The following ST3GAL5 variants were observed in gnomAD, a reference collection of about 807,000 sequenced individuals.
ST3GAL5 encodes the protein lactosylceramide alpha-2,3-sialyltransferase.
Under a neutral mutation model 46.1 loss-of-function variants are expected in ST3GAL5, and 25 were observed. That is an observed-to-expected ratio of 0.54 (90% CI 0.40 to 0.76). ST3GAL5 has a LOEUF of 0.76. ST3GAL5 is among the 30% of genes least tolerant of loss of function. The probability of loss-of-function intolerance (pLI) is 0.00; values close to 1 mark genes in which losing one functional copy is unlikely to be tolerated. For missense variants in ST3GAL5, 431 were observed against 521.2 expected, an observed-to-expected ratio of 0.83 and a Z score of 1.69; for synonymous variants, 182 against 192.7, an observed-to-expected ratio of 0.94 and a Z score of 0.46.
At chr2:85,848,451 A>C (rs2103962998) in intron 3 of ST3GAL5, 1 of 1,460,946 alleles carries the variant, frequency 6.8e-7, no homozygotes, top group Non-Finnish European at 9.2e-7. Context: ...CAAAGCAAGA[A>C]GGACTCCCGC....
intron 3 of ST3GAL5, chr2:85,853,483 CCTT>C (rs1426470878): frequency 1.6e-5 from 3 of 189,348 alleles, no homozygotes; most frequent in African/African-American, 7.1e-5. Context: ...GGCTCTGAGA[CCTT>C]CTTCTGCCCA....
chr2:85,847,918 C>A lies in ST3GAL5; in HGVS notation c.605G>T (p.Gly202Val). Residue 202 changes from glycine to valine, a missense_variant, in exon 4 of 7, where the codon GGA becomes GTA. Gly to Val is a moderately radical substitution (Grantham distance 109). Transcript: ENST00000638572. ...GCCCAGTTCTAATCCGTGCAGTATT[C>A]CTCCGCTTCCAATAACCACACAGCG... ...CRRCVVIGSGGILHGLELGHT... is the reference protein window; with the variant it reads ...CRRCVVIGSGVILHGLELGHT... 6.2e-7 allele frequency: 1 copy of A among 1,614,144 alleles called. No homozygotes were observed. Among genetic ancestry groups the A allele is most frequent in the Non-Finnish European group, 8.5e-7 (1 of 1,180,034 alleles).
chr2:85,865,402 C>T (rs191816444), intron 1 of ST3GAL5, among the ~76,000 whole-genome samples: 34 of 152,036 alleles, frequency 2.2e-4, no homozygotes, highest in African/African-American at 8.0e-4. Flanking sequence ...TTCCTTAACT[C>T]CTTAATTCTA....
chr2:85,848,162 G>A lies in ST3GAL5; in HGVS notation c.361C>T (p.Arg121Cys), dbSNP rs779973935. The change falls in exon 4 of 7, where the codon CGT becomes TGT. Residue 121 changes from arginine to cysteine, a missense_variant. Physicochemically the swap from Arg to Cys is radical, Grantham distance 180. Transcript: ENST00000638572. ...ATTGATGTCTTGGCAAACTTGGGAC[G>A]ACATTCCTTCTGCAAGACTTGCTGA... ...YAQQVLQKEC[R>C]PKFAKTSMAL... 6 of 1,614,070 alleles carry A rather than the reference G, an allele frequency of 3.7e-6. No homozygotes were observed. Among genetic ancestry groups the A allele is most frequent in the African/African-American group, 1.3e-5 (1 of 74,926 alleles).
chr2:85,865,041 A>C (rs1287102846), intron 1 of ST3GAL5, among the ~76,000 whole-genome samples: 1 of 152,198 alleles, frequency 6.6e-6, no homozygotes, highest in Non-Finnish European at 1.5e-5. Context: ...ACAACAAGAG[A>C]AGGAGCTGGG....
intron 1 of ST3GAL5, among the ~76,000 whole-genome samples, chr2:85,868,538 T>A (rs558298630): frequency 2.0e-5 from 3 of 151,364 alleles, no homozygotes; most frequent in Admixed American, 2.0e-4. Context: ...CTCTAACTCC[T>A]GGGCTCAAGC....
intron 1 of ST3GAL5, chr2:85,875,287 T>C (rs1033228856): frequency 6.6e-6 from 1 of 151,558 alleles, no homozygotes; most frequent in Non-Finnish European, 1.5e-5. Flanking sequence ...CTCAAACCCC[T>C]GGCCCCAAGC....
At chr2:85,848,261 CTCT>C (rs1172861736) in intron 3 of ST3GAL5, 57 bp from the exon 4 acceptor site, 2 of 1,612,864 alleles carry the variant, frequency 1.2e-6, no homozygotes, top group African/African-American at 2.7e-5. Flanking sequence ...TAAAAATATA[CTCT>C]TCTAGATGAC....
At chr2:85,871,497 G>A (rs1237751533) in intron 1 of ST3GAL5, among the ~76,000 whole-genome samples, 1 of 152,154 alleles carries the variant, frequency 6.6e-6, no homozygotes, top group Non-Finnish European at 1.5e-5. Flanking sequence ...TGTAAGAGTA[G>A]AATAAATGCC....
intron 1 of ST3GAL5, among the ~76,000 whole-genome samples, chr2:85,871,089 G>GT (rs1485409495): frequency 6.7e-6 from 1 of 148,346 alleles, no homozygotes; most frequent in African/African-American, 2.5e-5. Context: ...CCAGGCTAGA[G>GT]TGCAGTGGTG....
chr2:85,880,817 C>T (rs1687062594), intron 1 of ST3GAL5: 5 of 469,842 alleles, frequency 1.1e-5, no homozygotes, highest in Admixed American at 2.3e-5. Context: ...GACCAAGAAT[C>T]TGTCTAAAAA....
At chr2:85,843,412 T>C (rs1682390519) in intron 6 of ST3GAL5, among the ~76,000 whole-genome samples, 1 of 152,242 alleles carries the variant, frequency 6.6e-6, no homozygotes, top group Non-Finnish European at 1.5e-5. Context: ...ATTATCAAAC[T>C]TTTAAGTCTT....
At chr2:85,866,161 T>C (rs1685268440) in intron 1 of ST3GAL5, 1 of 152,244 alleles carries the variant, frequency 6.6e-6, no homozygotes, top group Non-Finnish European at 1.5e-5. Context: ...CAGACCTGTA[T>C]ACCTAATGTC....
intron 1 of ST3GAL5, chr2:85,868,113 C>T (rs1332592209): frequency 5.7e-6 from 1 of 176,650 alleles, no homozygotes; most frequent in Non-Finnish European, 1.2e-5. Context: ...TTGGAGAAGC[C>T]AGGGCTTATC....
intron 1 of ST3GAL5, among the ~76,000 whole-genome samples, chr2:85,875,751 G>A (rs549398595): frequency 7.2e-5 from 11 of 152,246 alleles, no homozygotes; most frequent in African/African-American, 2.6e-4. Flanking sequence ...TGGGAAGGGG[G>A]AACTGGAAGG....
chr2:85,851,184 G>A, intron 3 of ST3GAL5: 1 of 967,488 alleles, frequency 1.0e-6, no homozygotes, highest in Non-Finnish European at 1.3e-6. Flanking sequence ...CAAAGTTCTG[G>A]GATTATAGAT....
rs537000074 is a variant in ST3GAL5 at position 85,883,063 on chromosome 2, A to T, written c.82+5761T>A. ...TGGGTTAATGCTGAAATGAGCTAAG[A>T]CTTTGGGTGAGTGTTGAGAAGGCAC... On this transcript the variant is annotated intron_variant, in intron 1 of 6. Transcript: ENST00000638572. Among the ~76,000 whole-genome samples the T allele has an allele frequency of 3.3e-5, 5 of 152,204 alleles. No homozygotes were observed. In the South Asian group the frequency reaches 1.0e-3, roughly 32 times the overall value.
At chr2:85,882,612 T>G (rs1374846989) in intron 1 of ST3GAL5, among the ~76,000 whole-genome samples, 6 of 151,978 alleles carry the variant, frequency 3.9e-5, no homozygotes, top group Non-Finnish European at 5.9e-5. Context: ...GTGGATCACT[T>G]GAGGTCAGGA....
At chr2:85,883,166 C>A (rs1241658657) in intron 1 of ST3GAL5, among the ~76,000 whole-genome samples, 2 of 152,108 alleles carry the variant, frequency 1.3e-5, no homozygotes, top group Non-Finnish European at 2.9e-5. Flanking sequence ...TGTCTCCACC[C>A]AAATCTCAAC....
Sources: allele counts gnomAD v4.1 joint callset (sites outside exome capture counted in the v4.1 genomes callset), GRCh38; gene constraint gnomAD v4.1.1; transcripts MANE v1.5; gene names NCBI Gene and HGNC (gene_info 2026-07-23, HGNC 2026-07-21).